Variants in PLXDC2 observed in about 807,000 individuals in gnomAD.
PLXDC2 encodes plexin domain containing 2.
PLXDC2 carries 40 observed loss-of-function variants against 68.9 expected under a neutral mutation model. The ratio of observed to expected loss-of-function variants is 0.58; its 90% CI spans 0.45 to 0.76. The LOEUF is 0.76. Among genes scored for constraint, PLXDC2 ranks in the 30% least tolerant of loss-of-function variants. The pLI is 0.00. For synonymous variants in PLXDC2, 243 were observed against 234.2 expected (o/e 1.04, Z -0.34); for missense variants, 644 against 661.9 (o/e 0.97, Z 0.30).
chr10:19,982,894 A>G (rs1472751817), intron 1 of PLXDC2, among the ~76,000 whole-genome samples: 1 of 152,168 alleles, frequency 6.6e-6, no homozygotes, highest in Non-Finnish European at 1.5e-5. Context: ...AGAACAGTAG[A>G]TCTGAAAGTC....
intron 1 of PLXDC2, among the ~76,000 whole-genome samples, chr10:19,994,513 T>G (rs1177746951): frequency 1.3e-5 from 2 of 151,176 alleles, no homozygotes; most frequent in African/African-American, 4.9e-5. Flanking sequence ...CAAAATTTAC[T>G]AAATTTTGCA....
In PLXDC2 at chr10:19,817,052, G is replaced by T. The variant is rs757511647; in HGVS notation, c.-28G>T. On this transcript the variant is annotated 5_prime_UTR_variant, in exon 1 of 14. Coordinates refer to ENST00000377252, the MANE Select transcript of PLXDC2 (RefSeq NM_032812.9). ...CCCGAGCACCGGCGAAGGACTGGCG[G>T]GTGGGGTAGGGAGGTGGCGGCGGCG... 8.8e-6 allele frequency: 13 copies of T among 1,474,214 alleles called. No individual in the cohort carries two copies. The East Asian group carries it at 2.2e-4, about 25-fold the overall frequency. The allele number at this position is 1,474,214 out of a possible 1,614,324, so 91.3% of individuals were successfully genotyped here. A position where few individuals can be genotyped will look rare whatever the true frequency, so the allele number is the denominator to read the frequency against.
intron 13 of PLXDC2, among the ~76,000 whole-genome samples, chr10:20,277,800 T>G (rs1381465027): frequency 1.3e-5 from 2 of 152,188 alleles, no homozygotes; most frequent in Non-Finnish European, 1.5e-5. Flanking sequence ...TTTCTATTTT[T>G]GGGGGGACCC....
intron 2 of PLXDC2, among the ~76,000 whole-genome samples, chr10:20,021,932 C>T (rs769970197): frequency 6.6e-5 from 10 of 152,150 alleles, no homozygotes; most frequent in African/African-American, 1.2e-4. Flanking sequence ...CTCCTGACCT[C>T]GTGATCCGCC....
At chr10:19,852,636 A>G (rs1263320784) in intron 1 of PLXDC2, among the ~76,000 whole-genome samples, 7 of 152,084 alleles carry the variant, frequency 4.6e-5, no homozygotes, top group Non-Finnish European at 1.0e-4. Flanking sequence ...TTGACTATAG[A>G]TAATTATATA....
chr10:20,186,380 A>G (rs1834682713), intron 9 of PLXDC2, among the ~76,000 whole-genome samples: 1 of 151,956 alleles, frequency 6.6e-6, no homozygotes, highest in Admixed American at 6.6e-5. Context: ...GGTCTGAACT[A>G]CATGAGATTC....
At chr10:20,205,615 C>CT (rs1281882103) in intron 9 of PLXDC2, among the ~76,000 whole-genome samples, 3 of 152,020 alleles carry the variant, frequency 2.0e-5, no homozygotes, top group Non-Finnish European at 4.4e-5. Context: ...TAAATCCTGT[C>CT]TATGAAGTGA....
At chr10:20,144,818 T>G (rs1203710271) in intron 5 of PLXDC2, among the ~76,000 whole-genome samples, 3 of 152,226 alleles carry the variant, frequency 2.0e-5, no homozygotes, top group African/African-American at 4.8e-5. Flanking sequence ...CATTTACTCA[T>G]GGGCACATGA....
At chr10:19,901,349 G>T (rs1042280146) in intron 1 of PLXDC2, among the ~76,000 whole-genome samples, 6 of 151,778 alleles carry the variant, frequency 4.0e-5, no homozygotes, top group African/African-American at 1.5e-4. Flanking sequence ...TTATTTTTTG[G>T]TTTTTTGATT....
At chr10:19,992,799 AT>A (rs1834772706) in intron 1 of PLXDC2, among the ~76,000 whole-genome samples, 2 of 152,054 alleles carry the variant, frequency 1.3e-5, no homozygotes, top group South Asian at 4.1e-4. Context: ...GGGATATCCT[AT>A]TTCTTATTTG....
intron 9 of PLXDC2, among the ~76,000 whole-genome samples, chr10:20,193,831 A>T (rs1834801497): frequency 6.6e-6 from 1 of 152,124 alleles, no homozygotes; most frequent in Non-Finnish European, 1.5e-5. Flanking sequence ...ACATTGGTAC[A>T]CATGAGCTGC....
chr10:19,872,207 G>C (rs1213021505), intron 1 of PLXDC2, among the ~76,000 whole-genome samples: 1 of 152,188 alleles, frequency 6.6e-6, no homozygotes, highest in Non-Finnish European at 1.5e-5. Flanking sequence ...ATCTGCAAAG[G>C]CAACGCAGGT....
intron 1 of PLXDC2, among the ~76,000 whole-genome samples, chr10:19,925,974 A>G (rs1410058632): frequency 1.3e-5 from 2 of 152,202 alleles, no homozygotes; most frequent in African/African-American, 4.8e-5. Flanking sequence ...GCTCCCACAT[A>G]TGAACGCTCA....
chr10:20,097,891 GTAT>G (rs1440817604), intron 4 of PLXDC2, among the ~76,000 whole-genome samples: 4 of 148,740 alleles, frequency 2.7e-5, no homozygotes, highest in Admixed American at 2.7e-4. Flanking sequence ...TGTTTATATA[GTAT>G]TAAGTTATAT....
At chr10:19,927,789 A>C (rs1833563919) in intron 1 of PLXDC2, among the ~76,000 whole-genome samples, 1 of 151,354 alleles carries the variant, frequency 6.6e-6, no homozygotes, top group Admixed American at 6.6e-5. Context: ...TGAGAAGTTC[A>C]ATGTCACTAA....
intron 4 of PLXDC2, among the ~76,000 whole-genome samples, chr10:20,140,435 ATCTATCCG>A (rs1429331251): frequency 1.1e-4 from 17 of 149,640 alleles, no homozygotes; most frequent in South Asian, 2.1e-4. Flanking sequence ...CTATCTATCT[ATCTATCCG>A]TCTAATCTTT....
At chr10:20,233,267 TG>T (rs1358101722) in intron 12 of PLXDC2, among the ~76,000 whole-genome samples, 1 of 151,884 alleles carries the variant, frequency 6.6e-6, no homozygotes, top group Non-Finnish European at 1.5e-5. Flanking sequence ...GGCTCACATC[TG>T]CAATCCCAGC....
At chr10:19,907,295 C>T (rs879618442) in intron 1 of PLXDC2, among the ~76,000 whole-genome samples, 2 of 152,120 alleles carry the variant, frequency 1.3e-5, no homozygotes, top group Non-Finnish European at 2.9e-5. Flanking sequence ...AAGGTTTAAC[C>T]ACTTGTGTCT....
At chr10:20,042,491 T>C (rs1835699791) in intron 2 of PLXDC2, among the ~76,000 whole-genome samples, 1 of 152,214 alleles carries the variant, frequency 6.6e-6, no homozygotes, top group African/African-American at 2.4e-5. Context: ...ATTGATTCAA[T>C]ATTAAATAAT....
Sources: gnomAD v4.1 joint callset for allele counts (sites outside exome capture counted in the v4.1 genomes callset) on GRCh38, gnomAD v4.1.1 for gene constraint, MANE v1.5 for transcripts, NCBI Gene and HGNC (gene_info 2026-07-23, HGNC 2026-07-21) for gene names.